ELP4: variants seen among roughly 807,000 people sequenced by gnomAD.
ELP4 encodes elongator complex protein 4.
Under a neutral mutation model 48.9 loss-of-function variants are expected in ELP4, and 51 were observed. That is an observed-to-expected ratio of 1.04 (90% CI 0.83 to 1.32). ELP4 has a LOEUF of 1.32. Ranked by LOEUF, ELP4 falls within the 40% of genes most tolerant of loss-of-function variation. The pLI, the probability that ELP4 is intolerant of heterozygous loss-of-function variation, is 0.00. For synonymous variants in ELP4, 210 were observed against 189.2 expected (o/e 1.11, Z -0.90); for missense variants, 519 against 514.6 (o/e 1.01, Z -0.08).
intron 2 of ELP4, among the ~76,000 whole-genome samples, chr11:31,525,074 C>T (rs986670395): frequency 2.0e-5 from 3 of 152,190 alleles, no homozygotes; most frequent in Admixed American, 6.5e-5. Context: ...AGAATACAGC[C>T]GTGCTTATTC....
intron 2 of ELP4, among the ~76,000 whole-genome samples, chr11:31,533,341 C>G (rs1037172412): frequency 7.0e-6 from 1 of 142,828 alleles, no homozygotes; most frequent in Admixed American, 7.3e-5. Flanking sequence ...CCAGTTTCAT[C>G]CGTGTTGCTG....
intron 5 of ELP4, among the ~76,000 whole-genome samples, chr11:31,618,199 A>G (rs996899371): frequency 1.3e-5 from 2 of 152,130 alleles, no homozygotes; most frequent in African/African-American, 4.8e-5. Flanking sequence ...TCCTTTAAAC[A>G]TTATAGTAAG....
Position 31,650,190 on chromosome 11 carries a change from T to G in ELP4, c.1112T>G (p.Phe371Cys), listed in dbSNP as rs1039605972. The change falls in exon 9 of 10, where the codon TTT (phenylalanine) becomes TGT (cysteine). Residue 371 changes from phenylalanine to cysteine, a missense_variant. By Grantham distance (205) the Phe-to-Cys change is radical. Coordinates refer to ENST00000640961, the MANE Select transcript of ELP4 (RefSeq NM_019040.5). ...GAATCAGATGTCAAAGACTTAGCTT[T>G]TAAATTAAAAAGGAAGCTATTCACC... is the stretch of plus-strand genomic sequence containing the variant. Reference protein sequence around the residue: ...CDESDVKDLAFKLKRKLFTIE... With the variant: ...CDESDVKDLACKLKRKLFTIE... 5 of 1,489,928 alleles carry G rather than the reference T, an allele frequency of 3.4e-6. No individual in the cohort carries two copies. Among genetic ancestry groups the G allele is most frequent in the Non-Finnish European group, 4.6e-6 (5 of 1,078,596 alleles). 92.3% of individuals were successfully genotyped at this position (1,489,928 alleles called of 1,614,324 possible).
intron 9 of ELP4, among the ~76,000 whole-genome samples, chr11:31,751,786 G>T (rs891959346): frequency 2.0e-5 from 3 of 151,976 alleles, no homozygotes; most frequent in Non-Finnish European, 4.4e-5. Flanking sequence ...TCAATGCCTG[G>T]TACCTAAAAA....
intron 9 of ELP4, among the ~76,000 whole-genome samples, chr11:31,718,767 G>A (rs991724046): frequency 1.3e-5 from 2 of 152,232 alleles, no homozygotes; most frequent in African/African-American, 4.8e-5. Context: ...TAGTGTCATA[G>A]TAAACAAGAT....
chr11:31,714,568 G>GA (rs778231144), intron 9 of ELP4: 1 of 397,900 alleles, frequency 2.5e-6, no homozygotes, highest in Non-Finnish European at 4.4e-6. Context: ...TTGCTGCTAT[G>GA]AAAAATTGCT....
intron 9 of ELP4, among the ~76,000 whole-genome samples, chr11:31,700,883 T>C (rs1946507720): frequency 6.6e-6 from 1 of 152,100 alleles, no homozygotes; most frequent in African/African-American, 2.4e-5. Flanking sequence ...TTTTTCTTTC[T>C]CCTTGCCTAT....
intron 9 of ELP4, among the ~76,000 whole-genome samples, chr11:31,655,412 CT>C (rs1296649411): frequency 5.3e-5 from 8 of 151,792 alleles, no homozygotes; most frequent in Non-Finnish European, 1.0e-4. Flanking sequence ...AAATTATTGT[CT>C]TGAATCTGTA....
intron 9 of ELP4, among the ~76,000 whole-genome samples, chr11:31,688,829 G>C (rs886475694): frequency 6.6e-6 from 1 of 152,100 alleles, no homozygotes; most frequent in African/African-American, 2.4e-5. Flanking sequence ...AGATTAATTT[G>C]AGCCTACATA....
At position 31,509,835 on chromosome 11, in the gene ELP4, A is replaced by G. The variant is rs1262373057; in HGVS notation, c.51A>G (p.Ala17=). 5.6e-6 allele frequency: 9 copies of G among 1,614,184 alleles called. No homozygotes were observed. The highest frequency in any genetic ancestry group is 7.6e-6 in the Non-Finnish European group (9 of 1,180,032). Residue 17 remains alanine, a synonymous_variant, in exon 1 of 10, where the codon GCA becomes GCG. Coordinates refer to ENST00000640961, the MANE Select transcript of ELP4 (RefSeq NM_019040.5). ...CGSVAASTGS[A]VATASKSNVT... The stretch of plus-strand genomic sequence containing the variant: ...GTGTTGCCGCGAGTACTGGGTCTGC[A>G]GTGGCGACAGCCAGCAAGAGCAACG...
intron 9 of ELP4, chr11:31,653,176 A>G (rs1270317363): frequency 1.3e-5 from 2 of 151,760 alleles, no homozygotes; most frequent in Non-Finnish European, 2.9e-5. Flanking sequence ...AAAGCTCTAT[A>G]AATTAGCCCC....
At chr11:31,619,511 T>C (rs1000184357) in intron 5 of ELP4, among the ~76,000 whole-genome samples, 1 of 151,986 alleles carries the variant, frequency 6.6e-6, no homozygotes, top group Non-Finnish European at 1.5e-5. Flanking sequence ...ACTTTCTTCA[T>C]AGATAGGTGT....
intron 9 of ELP4, among the ~76,000 whole-genome samples, chr11:31,736,454 A>G (rs912564805): frequency 2.6e-5 from 4 of 152,194 alleles, no homozygotes; most frequent in East Asian, 1.9e-4. Context: ...AGCAATGGCA[A>G]CAAAAGCCAA....
chr11:31,624,950 C>G (rs1305690756), intron 5 of ELP4, among the ~76,000 whole-genome samples: 1 of 151,532 alleles, frequency 6.6e-6, no homozygotes, highest in African/African-American at 2.4e-5. Context: ...TAGTTGTCAT[C>G]TCGTGATAAG....
chr11:31,648,610 C>T (rs1945255863), intron 8 of ELP4: 1 of 151,360 alleles, frequency 6.6e-6, no homozygotes, highest in African/African-American at 2.4e-5. Context: ...TAAATTATTG[C>T]TACCATTGTT....
chr11:31,533,368 C>CTTTTTTTTTTTT (rs71060492), intron 2 of ELP4, among the ~76,000 whole-genome samples: 1,715 of 50,476 alleles, frequency 0.034, 401 homozygotes, highest in South Asian at 0.045. Context: ...CCATCTCATT[C>CTTTTTTTTTTTT]TTTTTTTTTT....
At chr11:31,531,128 G>T (rs914291014) in intron 2 of ELP4, among the ~76,000 whole-genome samples, 1 of 152,156 alleles carries the variant, frequency 6.6e-6, no homozygotes, top group African/African-American at 2.4e-5. Flanking sequence ...CTAAGTAGGT[G>T]ATCTCCCTAT....
chr11:31,644,233 C>T (rs1483383914), intron 7 of ELP4, among the ~76,000 whole-genome samples: 1 of 151,852 alleles, frequency 6.6e-6, no homozygotes, highest in Non-Finnish European at 1.5e-5. Context: ...TTATAACATA[C>T]ATACACCATA....
intron 9 of ELP4, chr11:31,653,486 T>TA (rs1945365824): frequency 1.3e-5 from 2 of 151,776 alleles, no homozygotes; most frequent in Admixed American, 1.3e-4. Context: ...GCAAGTACTA[T>TA]ACGAGCTTAG....
Sources: gnomAD v4.1 joint callset for allele counts (sites outside exome capture counted in the v4.1 genomes callset) on GRCh38, gnomAD v4.1.1 for gene constraint, MANE v1.5 for transcripts, NCBI Gene and HGNC (gene_info 2026-07-23, HGNC 2026-07-21) for gene names.